Variants in CSMD1 observed in about 807,000 individuals in gnomAD.
CSMD1 encodes CUB and Sushi multiple domains 1.
In CSMD1, 213 loss-of-function variants were observed where a neutral mutation model predicts 417.5. The observed-to-expected ratio is 0.51, with a 90% CI of 0.46 to 0.57. CSMD1 has a LOEUF of 0.57. Among genes scored for constraint, CSMD1 ranks in the 20% least tolerant of loss-of-function variants. The probability of loss-of-function intolerance (pLI) is 0.00; values close to 1 mark genes in which losing one functional copy is unlikely to be tolerated. For synonymous variants in CSMD1, 2,862 were observed against 1,736.8 expected (o/e 1.65, Z -16.11); for missense variants, 6,923 against 4,529.7 (o/e 1.53, Z -15.17).
rs80238278 is a variant in CSMD1 at position 3,244,910 on chromosome 8, G to A, written c.4154-14679C>T. Among the ~76,000 whole-genome samples the A allele has an allele frequency of 3.0e-3, 458 of 152,258 alleles. 6 individuals are homozygous for A. Among genetic ancestry groups the A allele is most frequent in the African/African-American group, 0.01 (422 of 41,544 alleles). Reference sequence around the variant, plus strand: ...CAGCCCAGTCCTCCACCCCAAGGGCGCTGAGAAGTAAAACTGACTCCCTTC... The same window carrying A: ...CAGCCCAGTCCTCCACCCCAAGGGCACTGAGAAGTAAAACTGACTCCCTTC... On this transcript the variant is annotated intron_variant, in intron 26 of 69. Coordinates refer to ENST00000635120, the MANE Select transcript of CSMD1 (RefSeq NM_033225.6).
chr8:3,688,781 C>T (rs544854652), intron 7 of CSMD1, among the ~76,000 whole-genome samples: 6 of 151,954 alleles, frequency 3.9e-5, no homozygotes, highest in Non-Finnish European at 8.8e-5. Flanking sequence ...TTCTGACATG[C>T]TAGAGTATAC....
rs1420352173 is a variant in CSMD1, at chr8:4,236,026, G to GCTTTTTTTTTT, written c.415+183926_415+183927insAAAAAAAAAAG. On this transcript the variant is annotated intron_variant, in intron 3 of 69. Coordinates refer to ENST00000635120, the MANE Select transcript of CSMD1 (RefSeq NM_033225.6). Reference sequence around the variant, plus strand: ...GTGAGCAAAGAGGTTAATGGATATTGTTTTTTTTGTTTGTTTTTTTTTTTT... The same window carrying GCTTTTTTTTTT: ...GTGAGCAAAGAGGTTAATGGATATTGCTTTTTTTTTTTTTTTTTTGTTTGTTTTTTTTTTTT... Among the ~76,000 whole-genome samples, 21 of 108,068 alleles carry GCTTTTTTTTTT rather than the reference G, an allele frequency of 1.9e-4. 1 individual carries two copies. Among genetic ancestry groups the GCTTTTTTTTTT allele is most frequent in the South Asian group, 3.5e-4 (1 of 2,866 alleles). The allele number at this position is 108,068 out of a possible 152,430, so 70.9% of individuals were successfully genotyped here.
At chr8:3,654,134 C>T (rs928456447) in intron 7 of CSMD1, among the ~76,000 whole-genome samples, 4 of 152,198 alleles carry the variant, frequency 2.6e-5, no homozygotes, top group South Asian at 4.1e-4. Flanking sequence ...CACCCCTCAT[C>T]TTCACAGGAC....
At chr8:3,776,646 T>A (rs1183533402) in intron 5 of CSMD1, among the ~76,000 whole-genome samples, 1 of 152,190 alleles carries the variant, frequency 6.6e-6, no homozygotes, top group East Asian at 1.9e-4. Flanking sequence ...ACCACCTCCT[T>A]CTTTCCCTCC....
At chr8:3,294,374 G>T (rs1422156147) in intron 25 of CSMD1, among the ~76,000 whole-genome samples, 3 of 152,238 alleles carry the variant, frequency 2.0e-5, no homozygotes, top group African/African-American at 7.2e-5. Context: ...ATTTAAGTCT[G>T]CAGAGGTTTC....
intron 5 of CSMD1, among the ~76,000 whole-genome samples, chr8:3,808,723 ACT>A (rs1257488009): frequency 2.6e-5 from 4 of 152,000 alleles, no homozygotes; most frequent in South Asian, 4.2e-4. Context: ...TAAACTTTCA[ACT>A]CTCTCTCTTT....
chr8:3,832,042 A>T (rs1333783113), intron 5 of CSMD1, among the ~76,000 whole-genome samples: 1 of 152,140 alleles, frequency 6.6e-6, no homozygotes, highest in African/African-American at 2.4e-5. Flanking sequence ...CGTTGCTCTT[A>T]TCACTGTTAC....
intron 5 of CSMD1, among the ~76,000 whole-genome samples, chr8:3,890,785 C>T (rs987690970): frequency 6.6e-6 from 1 of 152,026 alleles, no homozygotes; most frequent in African/African-American, 2.4e-5. Context: ...AATTTTTGTC[C>T]TCAGACATTT....
chr8:3,800,028 G>A (rs558554627), intron 5 of CSMD1, among the ~76,000 whole-genome samples: 1 of 152,076 alleles, frequency 6.6e-6, no homozygotes, highest in Non-Finnish European at 1.5e-5. Context: ...CTTGACTTTT[G>A]AACCTCAATT....
chr8:3,998,618 G>T (rs547854438), intron 4 of CSMD1, among the ~76,000 whole-genome samples: 1 of 152,100 alleles, frequency 6.6e-6, no homozygotes, highest in African/African-American at 2.4e-5. Flanking sequence ...TAACATAAAA[G>T]AGGCACATCA....
At chr8:4,652,687 A>G (rs1803975954) in intron 1 of CSMD1, among the ~76,000 whole-genome samples, 1 of 152,120 alleles carries the variant, frequency 6.6e-6, no homozygotes, top group Non-Finnish European at 1.5e-5. Context: ...CCACAGCTTC[A>G]GCCATCAGGG....
chr8:4,754,655 T>C (rs569708452), intron 1 of CSMD1, among the ~76,000 whole-genome samples: 2 of 151,418 alleles, frequency 1.3e-5, no homozygotes, highest in South Asian at 2.1e-4. Flanking sequence ...ATCGAGACAA[T>C]CCTGGCTAAC....
At chr8:3,427,071 C>T (rs149904491) in intron 12 of CSMD1, among the ~76,000 whole-genome samples, 61 of 152,268 alleles carry the variant, frequency 4.0e-4, no homozygotes, top group African/African-American at 1.4e-3. Flanking sequence ...ATCACGACAG[C>T]AGCATAGTGG....
intron 5 of CSMD1, among the ~76,000 whole-genome samples, chr8:3,758,864 A>G (rs115693219): frequency 8.7e-4 from 133 of 152,250 alleles, no homozygotes; most frequent in African/African-American, 2.5e-3. Context: ...AGTGGGCCCA[A>G]TGTAATGAAA....
At chr8:3,204,003 C>G (rs757193535) in intron 31 of CSMD1, among the ~76,000 whole-genome samples, 8 of 152,118 alleles carry the variant, frequency 5.3e-5, no homozygotes, top group Non-Finnish European at 1.0e-4. Context: ...CCTGTACTTA[C>G]AAATACTGTG....
intron 26 of CSMD1, among the ~76,000 whole-genome samples, chr8:3,253,820 CTT>C (rs1370349552): frequency 3.3e-5 from 5 of 152,158 alleles, no homozygotes; most frequent in Admixed American, 6.5e-5. Flanking sequence ...GGTCTTGACT[CTT>C]TATCCAATTT....
At chr8:3,805,044 T>C (rs1374185938) in intron 5 of CSMD1, among the ~76,000 whole-genome samples, 1 of 152,098 alleles carries the variant, frequency 6.6e-6, no homozygotes, top group Non-Finnish European at 1.5e-5. Flanking sequence ...CACACTGGAA[T>C]ATAACACCAC....
At position 2,961,138 on chromosome 8, in the gene CSMD1, T is replaced by G; in HGVS notation, c.9702+3A>C. ...AAAACATAGTAAATTCATAATGAAC[T>G]ACCTCATAGCCTCTGGAGCTATTCT... On this transcript the variant is annotated splice_donor_region_variant and intron_variant, in intron 62 of 69. Transcript: ENST00000635120. 1 of 1,546,498 alleles carries G rather than the reference T, an allele frequency of 6.5e-7. No homozygotes were observed. Among genetic ancestry groups the G allele is most frequent in the Non-Finnish European group, 8.8e-7 (1 of 1,135,274 alleles).
At chr8:3,266,507 G>C (rs1421641886) in intron 26 of CSMD1, among the ~76,000 whole-genome samples, 2 of 150,064 alleles carry the variant, frequency 1.3e-5, no homozygotes, top group Non-Finnish European at 3.0e-5. Flanking sequence ...TTGGGAGGCT[G>C]AGGCAGGAGA....
Sources: gnomAD v4.1 joint callset for allele counts (sites outside exome capture counted in the v4.1 genomes callset) on GRCh38, gnomAD v4.1.1 for gene constraint, MANE v1.5 for transcripts, NCBI Gene and HGNC (gene_info 2026-07-23, HGNC 2026-07-21) for gene names.